Variants in ZNF16 observed in about 807,000 individuals in gnomAD.
The protein encoded by ZNF16 is zinc finger protein KOX9.
Under a neutral mutation model 9.0 loss-of-function variants are expected in ZNF16, and 7 were observed. The observed-to-expected ratio is 0.78, with a 90% CI of 0.44 to 1.47. The LOEUF (loss-of-function observed/expected upper bound fraction) is 1.47. Ranked by LOEUF, ZNF16 falls within the 40% of genes most tolerant of loss-of-function variation. ZNF16 has a pLI of 0.01. For missense variants in ZNF16, 830 were observed against 854.2 expected, an observed-to-expected ratio of 0.97 and a Z score of 0.35; for synonymous variants, 312 against 301.5, an observed-to-expected ratio of 1.03 and a Z score of -0.36.
chr8:144,946,606 T>TGGGCCCGTGTCCTGCTG (rs1252773068), intron 1 of ZNF16, among the ~76,000 whole-genome samples: 27 of 82,382 alleles, frequency 3.3e-4, no homozygotes, highest in South Asian at 1.5e-3. Flanking sequence ...TATCCTGCTG[T>TGGGCCCGTGTCCTGCTG]TGGGCTTGTG....
At chr8:144,936,716 CTTATTTAT>C (rs61163374) in intron 2 of ZNF16, among the ~76,000 whole-genome samples, 34,671 of 151,032 alleles carry the variant, frequency 0.23, 4,111 homozygotes, top group East Asian at 0.35. Context: ...TTCTTTGCCC[CTTATTTAT>C]TTATTTATTT....
At chr8:144,946,264 G>C in intron 1 of ZNF16, 49 bp from the exon 2 acceptor site, 2 of 1,423,594 alleles carry the variant, frequency 1.4e-6, no homozygotes, top group Non-Finnish European at 1.8e-6. Context: ...GCTAGCTCTA[G>C]GGATTCATCC....
Position 144,930,675 on chromosome 8 carries a change from C to T in ZNF16, c.*63G>A. 1.3e-6 allele frequency: 2 copies of T among 1,503,636 alleles called. No homozygotes were observed. Among genetic ancestry groups the T allele is most frequent in the South Asian group, 2.7e-5 (2 of 73,132 alleles). The allele number at this position is 1,503,636 out of a possible 1,614,324, so 93.1% of individuals were successfully genotyped here. A position where few individuals can be genotyped will look rare whatever the true frequency, so the allele number is the denominator to read the frequency against. Reference sequence around the variant, plus strand: ...GTCTGGGAAGTGGCAGAGGCTGAGACAATGGCCAAAGAGGAGTTGGAGAGG... The same window carrying T: ...GTCTGGGAAGTGGCAGAGGCTGAGATAATGGCCAAAGAGGAGTTGGAGAGG... On this transcript the variant is annotated 3_prime_UTR_variant, in exon 3 of 3. Coordinates refer to ENST00000394909, the MANE Select transcript of ZNF16 (RefSeq NM_006958.3).
In ZNF16 at chr8:144,930,993, T is replaced by C. The variant is rs781686529; in HGVS notation, c.1794A>G (p.Glu598=). ...LIHHQKVHTG[E]KPYTCVECGK... is the part of the protein sequence containing the mutation. ...CACATTCAACACAGGTGTAGGGTTTTTCCCCAGTATGAACTTTCTGGTGGT... is the reference window on the plus strand; with the variant it reads ...CACATTCAACACAGGTGTAGGGTTTCTCCCCAGTATGAACTTTCTGGTGGT... Residue 598 remains glutamate, a synonymous_variant, in exon 3 of 3, where the codon GAA becomes GAG. Transcript: ENST00000394909. The C allele has an allele frequency of 1.2e-6, 2 of 1,614,168 alleles. No individual in the cohort carries two copies. Among genetic ancestry groups the C allele is most frequent in the Non-Finnish European group, 1.7e-6 (2 of 1,180,026 alleles).
rs1282695151 is a variant in ZNF16 at position 144,931,375 on chromosome 8, C to G, written c.1412G>C (p.Ser471Thr). 1 of 1,614,090 alleles carries G rather than the reference C, an allele frequency of 6.2e-7. No homozygotes were observed. Among genetic ancestry groups the G allele is most frequent in the African/African-American group, 1.3e-5 (1 of 74,924 alleles). ...GTGCTTTCGGAGCACTGAGCTATAA[C>G]TAAAGGCTTTTCCACATACATTACA... The part of the protein sequence containing the change: ...HVCNVCGKAF[S>T]YSSVLRKHQI... The change falls in exon 3 of 3, where the codon AGT (serine) becomes ACT (threonine). Residue 471 changes from serine (S) to threonine (T), a missense_variant. Coordinates refer to ENST00000394909, the MANE Select transcript of ZNF16 (RefSeq NM_006958.3).
intron 2 of ZNF16, among the ~76,000 whole-genome samples, chr8:144,941,875 G>A (rs1833804905): frequency 6.6e-6 from 1 of 151,026 alleles, no homozygotes; most frequent in Admixed American, 6.6e-5. Flanking sequence ...GGCCAGGATG[G>A]TCTCAATCTC....
At chr8:144,946,766 G>A (rs1317404418) in intron 1 of ZNF16, among the ~76,000 whole-genome samples, 3 of 102,236 alleles carry the variant, frequency 2.9e-5, no homozygotes, top group Non-Finnish European at 5.9e-5. Context: ...CCTGTACCCT[G>A]CTGTGGGCCT....
chr8:144,944,249 T>G (rs1833873732), intron 2 of ZNF16: 1 of 152,194 alleles, frequency 6.6e-6, no homozygotes, highest in African/African-American at 2.4e-5. Context: ...TTTTTGTATT[T>G]TTAGTTGAGA....
intron 2 of ZNF16, among the ~76,000 whole-genome samples, chr8:144,939,319 T>C (rs1010902489): frequency 6.6e-6 from 1 of 152,114 alleles, no homozygotes; most frequent in African/African-American, 2.4e-5. Flanking sequence ...TTTAAATCCA[T>C]TGTGGGCCAG....
chr8:144,934,808 C>T (rs1833642027), intron 2 of ZNF16, among the ~76,000 whole-genome samples: 1 of 152,218 alleles, frequency 6.6e-6, no homozygotes, highest in Admixed American at 6.5e-5. Flanking sequence ...ATCATACATA[C>T]ATTACGGCTG....
At chr8:144,949,241 C>T in intron 1 of ZNF16, among the ~76,000 whole-genome samples, 1 of 152,366 alleles carries the variant, frequency 6.6e-6, no homozygotes, top group Non-Finnish European at 1.5e-5. Context: ...CCCAAACTCT[C>T]CTCCCTTCCC....
Position 144,946,299 on chromosome 8 carries a change from T to G in ZNF16, c.-9-84A>C, listed in dbSNP as rs1833926242. The G allele has an allele frequency of 3.1e-6, 4 of 1,294,472 alleles. No individual in the cohort carries two copies. In the East Asian group the frequency reaches 1.1e-4, roughly 34 times the overall value. The allele number at this position is 1,294,472 out of a possible 1,614,324, so 80.2% of individuals were successfully genotyped here. A position where few individuals can be genotyped will look rare whatever the true frequency, so the allele number is the denominator to read the frequency against. ...CTCCCATCAGGCCGGGGTCTCTTCC[T>G]CCACCCCTGCAGCCCAAGACCTGAA... On this transcript the variant is annotated intron_variant, in intron 1 of 2. Transcript: ENST00000394909.
In ZNF16 at chr8:144,931,543, C is replaced by A; in HGVS notation, c.1244G>T (p.Ser415Ile). 1.2e-6 allele frequency: 2 copies of A among 1,614,146 alleles called. No homozygotes were observed. Among genetic ancestry groups the A allele is most frequent in the Non-Finnish European group, 1.7e-6 (2 of 1,180,022 alleles). Residue 415 changes from serine to isoleucine, a missense_variant, in exon 3 of 3, where the codon AGT becomes ATT. Physicochemically the swap from Ser to Ile is moderately radical, Grantham distance 142. Coordinates refer to ENST00000394909, the MANE Select transcript of ZNF16 (RefSeq NM_006958.3). Reference protein sequence around the residue: ...YECNDCGKPFSRVSNLIKHHR... With the variant: ...YECNDCGKPFIRVSNLIKHHR... ...GTGCTTAATGAGGTTGGAGACCCGA[C>A]TGAAGGGCTTGCCACAATCATTACA...
chr8:144,950,398 C>T (rs1329051970), intron 1 of ZNF16: 1 of 152,190 alleles, frequency 6.6e-6, no homozygotes, highest in Non-Finnish European at 1.5e-5. Context: ...GTCTCTCGTC[C>T]CACCTGATGA....
chr8:144,943,859 T>C (rs1833861135), intron 2 of ZNF16, among the ~76,000 whole-genome samples: 1 of 152,154 alleles, frequency 6.6e-6, no homozygotes, highest in South Asian at 2.1e-4. Context: ...CTCCTCAGAC[T>C]GAATGATTTC....
At position 144,931,166 on chromosome 8, in the gene ZNF16, C is replaced by T; in HGVS notation, c.1621G>A (p.Gly541Arg). The change falls in exon 3 of 3, where the codon GGA (glycine) becomes AGA (arginine). Residue 541 changes from glycine (G) to arginine (R), a missense_variant. By Grantham distance (125) the Gly-to-Arg change is moderately radical. Coordinates refer to ENST00000394909, the MANE Select transcript of ZNF16 (RefSeq NM_006958.3). ...TCAGTACATTCATAGGGCTTCTCTC[C>T]AGTGTGGACTCGCTGGTGAAGGATG... ...NLILHQRVHT[G>R]EKPYECTECG... 6.2e-7 allele frequency: 1 copy of T among 1,614,176 alleles called. No individual in the cohort carries two copies. Among genetic ancestry groups the T allele is most frequent in the Non-Finnish European group, 8.5e-7 (1 of 1,180,020 alleles).
Position 144,945,977 on chromosome 8 carries a change from T to TA in ZNF16, c.196+33dup, listed in dbSNP as rs1238425336. On this transcript the variant is annotated intron_variant, in intron 2 of 2. Transcript: ENST00000394909. ...TTCCATGGACATCACTTCCCCAGAA[T>TA]AAGGGCACCAGCGGAGAACTGTTCT... The TA allele has an allele frequency of 2.5e-6, 4 of 1,610,090 alleles. No homozygotes were observed. The Admixed American group carries it at 6.7e-5, about 27-fold the overall frequency.
chr8:144,949,269 C>T (rs115833902), intron 1 of ZNF16, among the ~76,000 whole-genome samples: 23 of 152,352 alleles, frequency 1.5e-4, no homozygotes, highest in Middle Eastern at 3.4e-3. Context: ...CTCCTCCACA[C>T]GCAGAGCGAC....
chr8:144,941,223 G>C (rs1290854782), intron 2 of ZNF16, among the ~76,000 whole-genome samples: 1 of 152,094 alleles, frequency 6.6e-6, no homozygotes, highest in Admixed American at 6.5e-5. Context: ...GTCTATGTCT[G>C]TTTCAGATAG....
Sources: allele counts gnomAD v4.1 joint callset (sites outside exome capture counted in the v4.1 genomes callset), GRCh38; gene constraint gnomAD v4.1.1; transcripts MANE v1.5; gene names NCBI Gene and HGNC (gene_info 2026-07-23, HGNC 2026-07-21).